The following MYRF variants were observed in gnomAD, a reference collection of about 807,000 sequenced individuals.
The protein encoded by MYRF is myelin gene regulatory factor.
Under a neutral mutation model 126.3 loss-of-function variants are expected in MYRF, and 16 were observed. The ratio of observed to expected loss-of-function variants is 0.13; its 90% CI spans 0.09 to 0.19. The LOEUF is 0.19. Ranked by LOEUF, MYRF falls within the 10% of genes least tolerant of loss-of-function variation. The pLI is 1.00. For synonymous variants in MYRF, 608 were observed against 635.3 expected, an observed-to-expected ratio of 0.96 and a Z score of 0.65; for missense variants, 1,104 against 1,547.0, an observed-to-expected ratio of 0.71 and a Z score of 4.80.
Position 61,778,516 on chromosome 11 carries a change from G to A in MYRF, c.2013+27G>A, listed in dbSNP as rs1194449330. The A allele has an allele frequency of 1.3e-6, 2 of 1,543,476 alleles. No homozygotes were observed. The highest frequency in any genetic ancestry group is 1.8e-6 in the Non-Finnish European group (2 of 1,115,824). On this transcript the variant is annotated intron_variant, in intron 14 of 26. Coordinates refer to ENST00000278836, the MANE Select transcript of MYRF (RefSeq NM_001127392.3). The surrounding 1 kb of genome is among the most constrained non-coding windows in gnomAD (Gnocchi z 4.6). ...TCTGTGGGTGGGGGAATGGGAGGGA[G>A]CCCAGAGGCAAGTGGGGAGCCAGCT...
chr11:61,755,663 G>T (rs961144911), intron 1 of MYRF: 1 of 713,412 alleles, frequency 1.4e-6, no homozygotes, highest in African/African-American at 1.7e-5. Flanking sequence ...TGGCAGAGAA[G>T]AACCTCAGCT....
chr11:61,779,240 C>CCATGGCA lies in MYRF; in HGVS notation c.2014-17_2014-16insACATGGC, dbSNP rs1392216689. On this transcript the variant is annotated intron_variant, in intron 14 of 26. Coordinates refer to ENST00000278836, the MANE Select transcript of MYRF (RefSeq NM_001127392.3). ...TGGGCCCTCTGTGTTGGCCCATGGC[C>CCATGGCA]CATGGCCCATGGCCCATGGCAGGAG... 6 of 1,534,200 alleles carry CCATGGCA rather than the reference C, an allele frequency of 3.9e-6. No homozygotes were observed. In the Admixed American group the frequency reaches 1.2e-4, roughly 30 times the overall value.
chr11:61,753,584 G>A (rs1185810055), intron 1 of MYRF, among the ~76,000 whole-genome samples: 1 of 152,024 alleles, frequency 6.6e-6, no homozygotes, highest in Non-Finnish European at 1.5e-5. Context: ...AGGCTCCTCA[G>A]CACTATGTCC....
chr11:61,778,533 G>C lies in MYRF; in HGVS notation c.2013+44G>C, dbSNP rs199735270. 1 of 1,408,302 alleles carries C rather than the reference G, an allele frequency of 7.1e-7. No homozygotes were observed. Among genetic ancestry groups the C allele is most frequent in the Admixed American group, 1.7e-5 (1 of 59,678 alleles). 87.2% of individuals were successfully genotyped at this position (1,408,302 alleles called of 1,614,324 possible). A position where few individuals can be genotyped will look rare whatever the true frequency, so the allele number is the denominator to read the frequency against. ...GGGAGGGAGCCCAGAGGCAAGTGGG[G>C]AGCCAGCTGGGGAACACTCATCACC... On this transcript the variant is annotated intron_variant, in intron 14 of 26. Transcript: ENST00000278836. This position sits in a 1 kb window ranked among gnomAD's most constrained non-coding sequence, Gnocchi z 4.6.
intron 1 of MYRF, among the ~76,000 whole-genome samples, chr11:61,761,690 G>T (rs1405940609): frequency 6.6e-6 from 1 of 152,248 alleles, no homozygotes; most frequent in African/African-American, 2.4e-5. Flanking sequence ...TGTGTGCTGG[G>T]ATACTATATC....
rs142545807 is a variant in MYRF at position 61,763,951 on chromosome 11, T to A, written c.47-1674T>A. 5.4e-3 allele frequency among the ~76,000 whole-genome samples: 822 copies of A among 152,220 alleles called. 9 individuals carry two copies. The highest frequency in any genetic ancestry group is 8.6e-3 in the Non-Finnish European group (582 of 67,998). ...TGCCTGGCACACAGTAGGCACTCAG[T>A]AAATGGGACCCGTGGTTACAGCAGG... On this transcript the variant is annotated intron_variant, in intron 1 of 26. Coordinates refer to ENST00000278836, the MANE Select transcript of MYRF (RefSeq NM_001127392.3).
intron 1 of MYRF, among the ~76,000 whole-genome samples, chr11:61,762,587 C>T (rs1423024402): frequency 6.6e-6 from 1 of 152,176 alleles, no homozygotes; most frequent in African/African-American, 2.4e-5. Context: ...GGGACCCTGC[C>T]CCTGTCCTGG....
chr11:61,764,927 A>T (rs997333756), intron 1 of MYRF, among the ~76,000 whole-genome samples: 8 of 152,156 alleles, frequency 5.3e-5, no homozygotes, highest in Non-Finnish European at 1.2e-4. Flanking sequence ...CCTCCTCTGG[A>T]AAAAGGGGGC....
intron 17 of MYRF, 43 bp downstream of exon 17, chr11:61,779,973 T>C (rs1470605778): frequency 6.4e-7 from 1 of 1,550,432 alleles, no homozygotes; most frequent in Non-Finnish European, 8.9e-7. Context: ...ACTAGGGGAG[T>C]GGAGCTGCCC....
At position 61,755,586 on chromosome 11, in the gene MYRF, C is replaced by T. The variant is rs540460365; in HGVS notation, c.46+2796C>T. 219 of 1,017,254 alleles carry T rather than the reference C, an allele frequency of 2.2e-4. 1 individual carries two copies. The African/African-American group carries it at 3.2e-3, about 15-fold the overall frequency. The allele number at this position is 1,017,254 out of a possible 1,614,324, so 63.0% of individuals were successfully genotyped here. On this transcript the variant is annotated intron_variant, in intron 1 of 26. Transcript: ENST00000278836. Reference sequence around the variant, plus strand: ...GAGTGGGGTGACCGTCTGTGCCTGGCAGGGAACCCCCAAAGAGCTCTTGCC... The same window carrying T: ...GAGTGGGGTGACCGTCTGTGCCTGGTAGGGAACCCCCAAAGAGCTCTTGCC...
chr11:61,786,468 A>G lies in MYRF; in HGVS notation c.*325A>G. 1 of 387,776 alleles carries G rather than the reference A, an allele frequency of 2.6e-6. No homozygotes were observed. The highest frequency in any genetic ancestry group is 4.8e-6 in the Non-Finnish European group (1 of 206,974). The allele number at this position is 387,776 out of a possible 1,614,324, so 24.0% of individuals were successfully genotyped here. The stretch of plus-strand genomic sequence containing the variant: ...TTCAGGTGCCCTGGAGGGAAGGGGA[A>G]GCCTGTGGCCCTGATTTGTTCAGAG... On this transcript the variant is annotated 3_prime_UTR_variant, in exon 27 of 27. Transcript: ENST00000278836. This position sits in a 1 kb window ranked among gnomAD's most constrained non-coding sequence, Gnocchi z 4.5.
chr11:61,761,452 A>G (rs560325795), intron 1 of MYRF, among the ~76,000 whole-genome samples: 1 of 152,164 alleles, frequency 6.6e-6, no homozygotes, highest in South Asian at 2.1e-4. Context: ...GCCTTCCCAT[A>G]GTCTGGATCG....
intron 1 of MYRF, among the ~76,000 whole-genome samples, chr11:61,760,649 T>TGGGA (rs1313157680): frequency 6.6e-6 from 1 of 151,986 alleles, no homozygotes; most frequent in African/African-American, 2.4e-5. Context: ...GGAAAGGAGA[T>TGGGA]GGGAGTCCTA....
Position 61,786,198 on chromosome 11 carries a change from C to T in MYRF, c.*55C>T. Reference sequence around the variant, plus strand: ...GGACCAGGGGTGCCCAGGCACCCCCCAACACTGGATGCAATGGTGTTACAC... The same window carrying T: ...GGACCAGGGGTGCCCAGGCACCCCCTAACACTGGATGCAATGGTGTTACAC... On this transcript the variant is annotated 3_prime_UTR_variant, in exon 27 of 27. Transcript: ENST00000278836. This position sits in a 1 kb window ranked among gnomAD's most constrained non-coding sequence, Gnocchi z 4.5. The T allele has an allele frequency of 6.6e-7, 1 of 1,506,594 alleles. No individual in the cohort carries two copies. The highest frequency in any genetic ancestry group is 1.1e-5 in the South Asian group (1 of 88,560). 93.3% of individuals were successfully genotyped at this position (1,506,594 alleles called of 1,614,324 possible).
intron 5 of MYRF, 84 bp downstream of exon 5, chr11:61,770,609 G>A: frequency 7.3e-7 from 1 of 1,373,786 alleles, no homozygotes; most frequent in Non-Finnish European, 9.8e-7. Flanking sequence ...AGGCCAGAGA[G>A]GGAGGTAGGG....
chr11:61,769,706 G>A (rs1296943481), intron 4 of MYRF, among the ~76,000 whole-genome samples: 2 of 152,164 alleles, frequency 1.3e-5, no homozygotes, highest in African/African-American at 2.4e-5. Context: ...CAGAACCACC[G>A]CGGGAGCAGG....
rs1412464127 is a variant in MYRF, at chr11:61,781,200, A to G, written c.2635A>G (p.Ser879Gly). 1.2e-6 allele frequency: 2 copies of G among 1,613,994 alleles called. No homozygotes were observed. Among genetic ancestry groups the G allele is most frequent in the Admixed American group, 3.3e-5 (2 of 60,026 alleles). The change falls in exon 21 of 27, where the codon AGC becomes GGC. Residue 879 changes from serine to glycine, a missense_variant. Coordinates refer to ENST00000278836, the MANE Select transcript of MYRF (RefSeq NM_001127392.3). ...SAVRTLDMCS[S>G]HPCPVICCSS... ...TGTCCGCACCTTGGACATGTGTTCC[A>G]GCCACCCCTGCCCTGTCATCTGCTG...
chr11:61,777,193 C>G lies in MYRF; in HGVS notation c.1591-71C>G. On this transcript the variant is annotated intron_variant, in intron 11 of 26. Coordinates refer to ENST00000278836, the MANE Select transcript of MYRF (RefSeq NM_001127392.3). The surrounding 1 kb of genome is among the most constrained non-coding windows in gnomAD (Gnocchi z 8.8). ...AAGGGGAGGGGCTGCTGTGGAGTTTCCCCCTGCTCCCAGGGCCCTGCAGGT... is the reference window on the plus strand; with the variant it reads ...AAGGGGAGGGGCTGCTGTGGAGTTTGCCCCTGCTCCCAGGGCCCTGCAGGT... 2 of 1,495,132 alleles carry G rather than the reference C, an allele frequency of 1.3e-6. No individual in the cohort carries two copies. The highest frequency in any genetic ancestry group is 1.2e-5 in the South Asian group (1 of 86,812). 92.6% of individuals were successfully genotyped at this position (1,495,132 alleles called of 1,614,324 possible).
chr11:61,770,141 G>C, intron 4 of MYRF, 105 bp from the exon 5 acceptor site: 1 of 1,177,788 alleles, frequency 8.5e-7, no homozygotes, highest in Non-Finnish European at 1.1e-6. Context: ...CCCCGGGCTT[G>C]GCTCAGGACG....
Sources: gnomAD v4.1 joint callset for allele counts (sites outside exome capture counted in the v4.1 genomes callset) on GRCh38, gnomAD v4.1.1 for gene constraint, Gnocchi (gnomAD v3.1) non-coding constraint, MANE v1.5 for transcripts, NCBI Gene and HGNC (gene_info 2026-07-23, HGNC 2026-07-21) for gene names.